The following CCDC7 variants were observed in gnomAD, a reference collection of about 807,000 sequenced individuals.
CCDC7 encodes coiled-coil domain containing 7.
In CCDC7, 183 loss-of-function variants were observed where a neutral mutation model predicts 196.9. The ratio of observed to expected loss-of-function variants is 0.93; its 90% CI spans 0.82 to 1.05. The LOEUF is 1.05. Among genes scored for constraint, CCDC7 ranks in the 50% least tolerant of loss-of-function variants. CCDC7 has a pLI of 0.00. For missense variants in CCDC7, 1,540 were observed against 1,482.2 expected (o/e 1.04, Z -0.64); for synonymous variants, 525 against 484.6 (o/e 1.08, Z -1.10).
chr10:32,609,772 G>T (rs1393988062), intron 18 of CCDC7, among the ~76,000 whole-genome samples: 3 of 152,092 alleles, frequency 2.0e-5, no homozygotes, highest in African/African-American at 7.2e-5. Context: ...GCAAGATCTG[G>T]TTATTTAAAA....
chr10:32,490,444 A>G (rs970643783), intron 8 of CCDC7, among the ~76,000 whole-genome samples: 3 of 152,122 alleles, frequency 2.0e-5, no homozygotes, highest in African/African-American at 7.2e-5. Flanking sequence ...GTCCTTTACC[A>G]TATTTAGGGC....
chr10:32,814,506 G>A lies in CCDC7; in HGVS notation c.3181+53G>A, dbSNP rs1459244528. On this transcript the variant is annotated intron_variant, in intron 31 of 41. Coordinates refer to ENST00000639629, the Ensembl canonical transcript of CCDC7. Reference sequence around the variant, plus strand: ...TATTTCTGGTTAGTTTATATTCTCTGGAGTGTAACTAAGTGTGCATCTTTA... The same window carrying A: ...TATTTCTGGTTAGTTTATATTCTCTAGAGTGTAACTAAGTGTGCATCTTTA... 28 of 1,289,808 alleles carry A rather than the reference G, an allele frequency of 2.2e-5. No individual in the cohort carries two copies. The African/African-American group carries it at 3.1e-4, about 14-fold the overall frequency. 79.9% of individuals were successfully genotyped at this position (1,289,808 alleles called of 1,614,324 possible).
intron 20 of CCDC7, among the ~76,000 whole-genome samples, chr10:32,636,915 G>A (rs1260800454): frequency 5.3e-5 from 8 of 152,082 alleles, no homozygotes; most frequent in East Asian, 3.9e-4. Flanking sequence ...TTTAATGATC[G>A]CCATTCTAAC....
intron 22 of CCDC7, 48 bp downstream of exon 23, chr10:32,686,128 C>A (rs781359298): frequency 4.2e-6 from 4 of 952,240 alleles, no homozygotes; most frequent in Non-Finnish European, 6.2e-6. Flanking sequence ...AAATTAGTCA[C>A]AGCAAAGGTA....
At chr10:32,631,769 A>G (rs1157894646) in intron 18 of CCDC7, among the ~76,000 whole-genome samples, 1 of 152,070 alleles carries the variant, frequency 6.6e-6, no homozygotes, top group Admixed American at 6.6e-5. Flanking sequence ...TTGTCTAACA[A>G]TACATAACCA....
chr10:32,761,402 A>G (rs1247786154), intron 28 of CCDC7, among the ~76,000 whole-genome samples: 1 of 152,020 alleles, frequency 6.6e-6, no homozygotes, highest in East Asian at 1.9e-4. Flanking sequence ...CTCCTAATCA[A>G]ATACTTAAAA....
intron 41 of CCDC7, among the ~76,000 whole-genome samples, chr10:32,869,968 T>C (rs1390609938): frequency 6.6e-6 from 1 of 152,142 alleles, no homozygotes; most frequent in Non-Finnish European, 1.5e-5. Flanking sequence ...TCTGTTTTGG[T>C]ACCAGTACCA....
At chr10:32,634,750 A>G (rs1236708755) in intron 19 of CCDC7, among the ~76,000 whole-genome samples, 4 of 152,194 alleles carry the variant, frequency 2.6e-5, no homozygotes, top group Non-Finnish European at 4.4e-5. Flanking sequence ...CATCATGAAT[A>G]TTTGAACATA....
intron 29 of CCDC7, among the ~76,000 whole-genome samples, chr10:32,800,675 A>T (rs1248810351): frequency 6.6e-6 from 1 of 152,172 alleles, no homozygotes; most frequent in Non-Finnish European, 1.5e-5. Flanking sequence ...TGGAAGAAAG[A>T]TTAACAGCAT....
intron 18 of CCDC7, among the ~76,000 whole-genome samples, chr10:32,605,179 G>T (rs572047433): frequency 5.5e-4 from 83 of 152,188 alleles, no homozygotes; most frequent in Non-Finnish European, 1.0e-3. Flanking sequence ...TTTTCATCAT[G>T]ATTGTAAGCA....
At chr10:32,789,147 C>T (rs566703093) in intron 29 of CCDC7, among the ~76,000 whole-genome samples, 1 of 139,566 alleles carries the variant, frequency 7.2e-6, no homozygotes, top group Non-Finnish European at 1.5e-5. Flanking sequence ...GGAATAAGTG[C>T]CTACTTCTTC....
chr10:32,572,100 TTTAAA>T (rs1433886609), intron 16 of CCDC7, among the ~76,000 whole-genome samples: 1 of 152,102 alleles, frequency 6.6e-6, no homozygotes. Flanking sequence ...TAAATTTAAA[TTTAAA>T]TTAAGGACAA....
In CCDC7 at chr10:32,762,783, A is replaced by T. The variant is rs2077657877; in HGVS notation, c.2906-16194A>T. On this transcript the variant is annotated intron_variant, in intron 28 of 41. Coordinates refer to ENST00000639629, the Ensembl canonical transcript of CCDC7. ...GGGAGAATGACCATCTCTTTAACAAATAGTGTTGGGAAATTTGAATACTCA... is the reference window on the plus strand; with the variant it reads ...GGGAGAATGACCATCTCTTTAACAATTAGTGTTGGGAAATTTGAATACTCA... Among the ~76,000 whole-genome samples the T allele has an allele frequency of 2.0e-5, 3 of 151,882 alleles. No individual in the cohort carries two copies. In the South Asian group the frequency reaches 6.2e-4, roughly 31 times the overall value.
At position 32,512,627 on chromosome 10, in the gene CCDC7, A is replaced by T. The variant is rs1304539173; in HGVS notation, c.873-5318A>T. 3 of 152,378 alleles carry T rather than the reference A, an allele frequency of 2.0e-5. No individual in the cohort carries two copies. In the East Asian group the frequency reaches 5.8e-4, roughly 29 times the overall value. The allele number at this position is 152,378 out of a possible 1,614,324, so 9.4% of individuals were successfully genotyped here. A position where few individuals can be genotyped will look rare whatever the true frequency, so the allele number is the denominator to read the frequency against. On this transcript the variant is annotated intron_variant, in intron 9 of 41. Transcript: ENST00000639629. ...AAAACCATAAAAAGGGAGGGAATTCAACTCCCAAAACTGAAAACACCTCGT... is the reference window on the plus strand; with the variant it reads ...AAAACCATAAAAAGGGAGGGAATTCTACTCCCAAAACTGAAAACACCTCGT...
At chr10:32,537,001 C>A (rs982249030) in intron 11 of CCDC7, among the ~76,000 whole-genome samples, 5 of 152,048 alleles carry the variant, frequency 3.3e-5, no homozygotes, top group Admixed American at 3.3e-4. Context: ...TTATATATTC[C>A]TTTGGGTATA....
rs548574339 is a variant in CCDC7 at position 32,701,734 on chromosome 10, G to C, written c.2458+6742G>C. On this transcript the variant is annotated intron_variant, in intron 24 of 41. Transcript: ENST00000639629. ...TATTCAGAGATTCAACTTCTTCCTG[G>C]TTTAGTCTTGGGAGGGTGTATGTGT... is the stretch of plus-strand genomic sequence containing the variant. Among the ~76,000 whole-genome samples, 3 of 152,206 alleles carry C rather than the reference G, an allele frequency of 2.0e-5. No individual in the cohort carries two copies. The South Asian group carries it at 6.2e-4, about 32-fold the overall frequency.
At chr10:32,873,992 T>C (rs2094517651) in intron 41 of CCDC7, among the ~76,000 whole-genome samples, 1 of 151,740 alleles carries the variant, frequency 6.6e-6, no homozygotes, top group African/African-American at 2.4e-5. Context: ...ATGCAAATGA[T>C]ATAGAAAAGT....
At chr10:32,623,526 A>G (rs973402775) in intron 18 of CCDC7, among the ~76,000 whole-genome samples, 6 of 152,096 alleles carry the variant, frequency 3.9e-5, no homozygotes, top group South Asian at 2.1e-4. Context: ...TGTTTTTAAC[A>G]CTTTAGTAAG....
At chr10:32,820,823 G>T (rs1157650247) in intron 31 of CCDC7, among the ~76,000 whole-genome samples, 1 of 152,110 alleles carries the variant, frequency 6.6e-6, no homozygotes, top group Non-Finnish European at 1.5e-5. Context: ...ATTCAAGATG[G>T]ATTAAAGACT....
Sources: gnomAD v4.1 joint callset for allele counts (sites outside exome capture counted in the v4.1 genomes callset) on GRCh38, gnomAD v4.1.1 for gene constraint, MANE v1.5 for transcripts, NCBI Gene and HGNC (gene_info 2026-07-23, HGNC 2026-07-21) for gene names.